Variants in REDIC1 observed in about 807,000 individuals in gnomAD.
REDIC1 encodes the protein regulator of DNA class I crossover intermediates 1.
chr12:39,682,834 A>G, the REDIC1 span: 10 of 1,612,068 alleles, frequency 6.2e-6, no homozygotes, highest in Non-Finnish European at 7.6e-6. Context: ...TAGTCAAAAT[A>G]TGATCAATGT....
At chr12:39,702,104 G>A in the REDIC1 span, among the ~76,000 whole-genome samples, 4 of 152,034 alleles carry the variant, frequency 2.6e-5, no homozygotes, top group African/African-American at 9.7e-5. Context: ...CAGAACTGAA[G>A]GAAATAGAGA....
the REDIC1 span, among the ~76,000 whole-genome samples, chr12:39,716,995 T>C: frequency 2.0e-5 from 3 of 151,860 alleles, no homozygotes; most frequent in Non-Finnish European, 4.4e-5. Flanking sequence ...AAAAGTACAT[T>C]TAAAAATGTA....
the REDIC1 span, among the ~76,000 whole-genome samples, chr12:39,788,297 G>T: frequency 1.4e-4 from 21 of 152,132 alleles, no homozygotes; most frequent in Non-Finnish European, 2.6e-4. Context: ...ATAACAGTAT[G>T]CCAGTATCAC....
the REDIC1 span, among the ~76,000 whole-genome samples, chr12:39,888,977 T>C: frequency 2.0e-5 from 3 of 152,254 alleles, no homozygotes; most frequent in East Asian, 1.9e-4. Flanking sequence ...GTTTACTTTA[T>C]AAAAATACAA....
chr12:39,802,994 G>T, the REDIC1 span, among the ~76,000 whole-genome samples: 3 of 152,128 alleles, frequency 2.0e-5, no homozygotes, highest in Non-Finnish European at 4.4e-5. Context: ...CTCACTAGAG[G>T]TATCTTCCAT....
At chr12:39,787,894 T>C in the REDIC1 span, among the ~76,000 whole-genome samples, 172 of 152,094 alleles carry the variant, frequency 1.1e-3, 2 homozygotes, top group African/African-American at 3.8e-3. Context: ...ATGTAAAGAG[T>C]GGTATTGATG....
At chr12:39,713,682 C>T in the REDIC1 span, among the ~76,000 whole-genome samples, 1 of 143,968 alleles carries the variant, frequency 6.9e-6, no homozygotes, top group East Asian at 2.0e-4. Context: ...TGTATGTATG[C>T]CTGTATACAT....
chr12:39,829,075 C>G, the REDIC1 span, among the ~76,000 whole-genome samples: 1 of 150,538 alleles, frequency 6.6e-6, no homozygotes. Context: ...TATGAGTAGA[C>G]AAGATAAGAG....
the REDIC1 span, among the ~76,000 whole-genome samples, chr12:39,724,013 A>C: frequency 6.6e-6 from 1 of 152,098 alleles, no homozygotes; most frequent in Non-Finnish European, 1.5e-5. Context: ...CATACATACC[A>C]GCCTGACTTG....
chr12:39,868,718 A>C, the REDIC1 span, among the ~76,000 whole-genome samples: 2 of 152,208 alleles, frequency 1.3e-5, no homozygotes, highest in African/African-American at 4.8e-5. Flanking sequence ...AAATCTTCCA[A>C]TATTAAAGAA....
chr12:39,819,118 G>T, the REDIC1 span, among the ~76,000 whole-genome samples: 2 of 152,170 alleles, frequency 1.3e-5, no homozygotes, highest in Non-Finnish European at 2.9e-5. Context: ...CAGAAGTTAT[G>T]ATGGTTGAAA....
At chr12:39,882,981 A>G in the REDIC1 span, among the ~76,000 whole-genome samples, 1 of 152,124 alleles carries the variant, frequency 6.6e-6, no homozygotes, top group East Asian at 1.9e-4. Flanking sequence ...GTTTATGAAT[A>G]TTTTTTAGGC....
At chr12:39,667,171 T>A in the REDIC1 span, among the ~76,000 whole-genome samples, 34 of 152,224 alleles carry the variant, frequency 2.2e-4, no homozygotes, top group African/African-American at 8.2e-4. Flanking sequence ...GGTGTCAATT[T>A]TAGATCTTTC....
chr12:39,728,563 A>G, the REDIC1 span, among the ~76,000 whole-genome samples: 1 of 151,840 alleles, frequency 6.6e-6, no homozygotes, highest in Non-Finnish European at 1.5e-5. Context: ...TTTAATGGAT[A>G]ATTTTTGCAT....
chr12:39,707,674 C>T, the REDIC1 span, among the ~76,000 whole-genome samples: 1 of 151,840 alleles, frequency 6.6e-6, no homozygotes, highest in African/African-American at 2.4e-5. Context: ...ATAATCTATA[C>T]ATAATCTAAT....
chr12:39,888,700 A>G, the REDIC1 span, among the ~76,000 whole-genome samples: 5,205 of 152,304 alleles, frequency 0.034, 115 homozygotes, highest in Non-Finnish European at 0.051. Context: ...TGATGTTTAC[A>G]ATGGCATAAC....
At chr12:39,672,138 G>A in the REDIC1 span, among the ~76,000 whole-genome samples, 1 of 152,158 alleles carries the variant, frequency 6.6e-6, no homozygotes, top group Non-Finnish European at 1.5e-5. Flanking sequence ...TGGTGTATGT[G>A]TGTGCATCAG....
At chr12:39,657,911 C>T in the REDIC1 span, among the ~76,000 whole-genome samples, 9 of 151,876 alleles carry the variant, frequency 5.9e-5, no homozygotes, top group African/African-American at 2.2e-4. Context: ...GCTTATTTTG[C>T]ATTTAATTTC....
the REDIC1 span, among the ~76,000 whole-genome samples, chr12:39,853,070 TG>T: frequency 6.6e-6 from 1 of 152,198 alleles, no homozygotes; most frequent in African/African-American, 2.4e-5. Context: ...TTCATTGCTT[TG>T]TTTGTATGTT....
Sources: allele counts gnomAD v4.1 joint callset (sites outside exome capture counted in the v4.1 genomes callset), GRCh38; gene constraint gnomAD v4.1.1; transcripts MANE v1.5; gene names NCBI Gene and HGNC (gene_info 2026-07-23, HGNC 2026-07-21).